Variants in PTK2B observed in about 807,000 individuals in gnomAD.
PTK2B encodes the protein protein-tyrosine kinase 2-beta.
In PTK2B, 71 loss-of-function variants were observed where a neutral mutation model predicts 142.9. The observed-to-expected ratio is 0.50, with a 90% confidence interval of 0.41 to 0.61. The LOEUF is 0.61. PTK2B is among the 20% of genes least tolerant of loss of function. The pLI is 0.00. For missense variants in PTK2B, 1,105 were observed against 1,320.4 expected, an observed-to-expected ratio of 0.84 and a Z score of 2.53; for synonymous variants, 519 against 503.4, an observed-to-expected ratio of 1.03 and a Z score of -0.42.
chr8:27,423,619 G>A (rs1327969352), intron 5 of PTK2B, among the ~76,000 whole-genome samples: 1 of 152,138 alleles, frequency 6.6e-6, no homozygotes, highest in Non-Finnish European at 1.5e-5. Flanking sequence ...CATTTCCGGA[G>A]CCTTATCTGT....
chr8:27,329,606 C>T (rs887175197), intron 1 of PTK2B, among the ~76,000 whole-genome samples: 2 of 152,220 alleles, frequency 1.3e-5, no homozygotes, highest in East Asian at 1.9e-4. Context: ...AGAGCTGCGA[C>T]GTGCCCGGGG....
intron 2 of PTK2B, among the ~76,000 whole-genome samples, chr8:27,413,356 G>A (rs1400878882): frequency 2.0e-5 from 3 of 152,140 alleles, no homozygotes; most frequent in East Asian, 3.8e-4. Context: ...CACCATAGAC[G>A]CCATCCAGAT....
Position 27,350,990 on chromosome 8 carries a change from AATATATATAT to A in PTK2B, c.-38+25351_-38+25360del, listed in dbSNP as rs1161548916. Among the ~76,000 whole-genome samples the A allele has an allele frequency of 2.2e-3, 26 of 12,064 alleles. 1 individual carries two copies. Among genetic ancestry groups the A allele is most frequent in the South Asian group, 0.015 (4 of 270 alleles). 7.9% of individuals were successfully genotyped at this position (12,064 alleles called of 152,430 possible). A position where few individuals can be genotyped will look rare whatever the true frequency, so the allele number is the denominator to read the frequency against. Reference sequence around the variant, plus strand: ...GTCTCCGTCTCAAAAAAAAAAAAAAAATATATATATATATATATATATATATATATATATA... The same window carrying A: ...GTCTCCGTCTCAAAAAAAAAAAAAAAATATATATATATATATATATATATA... On this transcript the variant is annotated intron_variant, in intron 1 of 30. Coordinates refer to ENST00000346049, the MANE Select transcript of PTK2B (RefSeq NM_173176.3).
chr8:27,329,387 G>A (rs557773453), intron 1 of PTK2B, among the ~76,000 whole-genome samples: 1 of 152,254 alleles, frequency 6.6e-6, no homozygotes, highest in East Asian at 1.9e-4. Context: ...TCTCCATAGT[G>A]ACGACAGTAG....
At chr8:27,375,646 G>A (rs1806621116) in intron 1 of PTK2B, among the ~76,000 whole-genome samples, 1 of 152,246 alleles carries the variant, frequency 6.6e-6, no homozygotes, top group South Asian at 2.1e-4. Flanking sequence ...GTAGTGAAGG[G>A]CTGAGAACCA....
intron 1 of PTK2B, among the ~76,000 whole-genome samples, chr8:27,327,983 C>T (rs1478902925): frequency 6.6e-6 from 1 of 152,220 alleles, no homozygotes; most frequent in African/African-American, 2.4e-5. Flanking sequence ...TTTACTTCCA[C>T]AAGTGAGCAC....
chr8:27,447,245 A>T (rs1248713328), intron 24 of PTK2B, among the ~76,000 whole-genome samples: 1 of 152,224 alleles, frequency 6.6e-6, no homozygotes, highest in Non-Finnish European at 1.5e-5. Flanking sequence ...ACATAAGGAA[A>T]ATCTGCCTAA....
chr8:27,409,860 T>C (rs981236061), intron 2 of PTK2B, among the ~76,000 whole-genome samples: 1 of 152,112 alleles, frequency 6.6e-6, no homozygotes, highest in African/African-American at 2.4e-5. Flanking sequence ...AGCTGGGTTT[T>C]ATAGGCATGC....
chr8:27,333,562 C>G (rs1803884696), intron 1 of PTK2B, among the ~76,000 whole-genome samples: 1 of 152,202 alleles, frequency 6.6e-6, no homozygotes, highest in African/African-American at 2.4e-5. Context: ...CTTCTACTTT[C>G]TCTGAGCTGA....
chr8:27,423,838 C>G (rs1809910532), intron 5 of PTK2B, among the ~76,000 whole-genome samples: 2 of 152,094 alleles, frequency 1.3e-5, no homozygotes, highest in South Asian at 4.1e-4. Context: ...AGGTCAAGGG[C>G]AGCTTCGAGG....
At chr8:27,428,245 G>A (rs1023150650) in intron 5 of PTK2B, among the ~76,000 whole-genome samples, 2 of 152,232 alleles carry the variant, frequency 1.3e-5, no homozygotes, top group African/African-American at 4.8e-5. Flanking sequence ...ATGGGAGACA[G>A]CTGTAAATAC....
chr8:27,416,174 T>C (rs1053737226), intron 2 of PTK2B, among the ~76,000 whole-genome samples: 4 of 152,190 alleles, frequency 2.6e-5, no homozygotes, highest in African/African-American at 9.7e-5. Flanking sequence ...AAAAAGAAAG[T>C]GGCCAGCTGA....
At chr8:27,381,337 C>G (rs1252678387) in intron 1 of PTK2B, among the ~76,000 whole-genome samples, 2 of 152,208 alleles carry the variant, frequency 1.3e-5, no homozygotes, top group African/African-American at 4.8e-5. Flanking sequence ...CTCCATCCAC[C>G]TTCCACCCTG....
At chr8:27,416,227 C>A (rs1809395310) in intron 2 of PTK2B, among the ~76,000 whole-genome samples, 1 of 152,192 alleles carries the variant, frequency 6.6e-6, no homozygotes, top group Non-Finnish European at 1.5e-5. Flanking sequence ...GCCCAATAAT[C>A]TAGGGGATGG....
chr8:27,415,832 A>G (rs1809368209), intron 2 of PTK2B, among the ~76,000 whole-genome samples: 1 of 152,232 alleles, frequency 6.6e-6, no homozygotes, highest in African/African-American at 2.4e-5. Flanking sequence ...CAAAAGACCT[A>G]TACAATATAT....
At chr8:27,338,099 C>T (rs997960772) in intron 1 of PTK2B, among the ~76,000 whole-genome samples, 15 of 152,138 alleles carry the variant, frequency 9.9e-5, no homozygotes, top group African/African-American at 3.1e-4. Flanking sequence ...TTTTCAGTTG[C>T]GTTTCCCTGA....
chr8:27,376,047 C>A (rs1022754126), intron 1 of PTK2B, among the ~76,000 whole-genome samples: 5 of 152,216 alleles, frequency 3.3e-5, no homozygotes, highest in African/African-American at 1.2e-4. Context: ...TGAGCAGAGA[C>A]CAGAGCTCAG....
intron 3 of PTK2B, 146 bp from the exon 4 acceptor site, chr8:27,420,511 C>G (rs1476732715): frequency 2.2e-5 from 17 of 761,018 alleles, no homozygotes; most frequent in Non-Finnish European, 3.5e-5. Context: ...AAGAGAAAAA[C>G]CAGCCCTGAA....
chr8:27,399,074 C>G (rs1414846301), intron 2 of PTK2B, among the ~76,000 whole-genome samples: 2 of 152,210 alleles, frequency 1.3e-5, no homozygotes, highest in Non-Finnish European at 2.9e-5. Flanking sequence ...CTCTCTTTAT[C>G]CACTTCATGA....
Sources: allele counts gnomAD v4.1 joint callset (sites outside exome capture counted in the v4.1 genomes callset), GRCh38; gene constraint gnomAD v4.1.1; transcripts MANE v1.5; gene names NCBI Gene and HGNC (gene_info 2026-07-23, HGNC 2026-07-21).